Variants in PLEKHA2 observed in about 807,000 individuals in gnomAD.
The protein encoded by PLEKHA2 is pleckstrin homology domain-containing family A member 2.
A neutral mutation model predicts 53.2 loss-of-function variants in PLEKHA2; 28 were observed. The ratio of observed to expected loss-of-function variants is 0.53; its 90% CI spans 0.39 to 0.72. The LOEUF is 0.72. Among genes scored for constraint, PLEKHA2 ranks in the 30% least tolerant of loss-of-function variants. The pLI is 0.00. For missense variants in PLEKHA2, 426 were observed against 537.9 expected (o/e 0.79, Z 2.06); for synonymous variants, 193 against 196.4 (o/e 0.98, Z 0.14).
rs1444519246 is a variant in PLEKHA2 at position 38,968,656 on chromosome 8, A to G, written c.902A>G (p.Lys301Arg). 3 of 1,614,024 alleles carry G rather than the reference A, an allele frequency of 1.9e-6. No individual in the cohort carries two copies. Among genetic ancestry groups the G allele is most frequent in the Admixed American group, 3.3e-5 (2 of 60,022 alleles). Residue 301 changes from lysine (K) to arginine (R), a missense_variant, in exon 11 of 12, where the codon AAG (lysine) becomes AGG (arginine). Physicochemically the swap from Lys to Arg is conservative, Grantham distance 26. Transcript: ENST00000617275. The part of the protein sequence containing the change: ...KEIGAAVQAL[K>R]CHPRETSFSR... ...ATTGGCGCAGCTGTCCAGGCCCTCAAGTGCCACCCCAGAGTAAGTCACTTC... is the reference window on the plus strand; with the variant it reads ...ATTGGCGCAGCTGTCCAGGCCCTCAGGTGCCACCCCAGAGTAAGTCACTTC...
chr8:38,967,980 A>G (rs569562508), intron 10 of PLEKHA2, among the ~76,000 whole-genome samples: 58 of 152,008 alleles, frequency 3.8e-4, no homozygotes, highest in Admixed American at 5.9e-4. Context: ...TAATGGGATG[A>G]TTTATGGTTT....
At chr8:38,918,877 G>A (rs1018452762) in intron 2 of PLEKHA2, among the ~76,000 whole-genome samples, 1 of 152,180 alleles carries the variant, frequency 6.6e-6, no homozygotes, top group Non-Finnish European at 1.5e-5. Context: ...CCTGACCCTG[G>A]CATCTGGTGT....
intron 3 of PLEKHA2, 91 bp from the exon 4 acceptor site, chr8:38,943,698 G>A (rs1465649616): frequency 1.4e-5 from 13 of 957,844 alleles, no homozygotes; most frequent in South Asian, 1.7e-5. Flanking sequence ...TATGTTTAAT[G>A]TACTCTTTAT....
rs1394970204 is a variant in PLEKHA2, at chr8:38,953,314, C to T, written c.720C>T (p.Arg240=). 3.1e-6 allele frequency: 5 copies of T among 1,613,314 alleles called. No homozygotes were observed. The highest frequency in any genetic ancestry group is 3.4e-6 in the Non-Finnish European group (4 of 1,179,268). The change falls in exon 9 of 12, where the codon CGC becomes CGT. Residue 240 remains arginine, a synonymous_variant. Coordinates refer to ENST00000617275, the MANE Select transcript of PLEKHA2 (RefSeq NM_021623.2). ...FKCEQDREPL[R]TIFLKDVLKT... ...TCCACCAGGACCGAGAACCACTGCG[C>T]ACCATATTTCTTAAGGATGTTCTGA...
chr8:38,938,461 G>A (rs1834537421), intron 3 of PLEKHA2, among the ~76,000 whole-genome samples: 1 of 152,216 alleles, frequency 6.6e-6, no homozygotes, highest in Middle Eastern at 3.2e-3. Context: ...TGCTGCCACT[G>A]CTTCTGCCAG....
intron 2 of PLEKHA2, among the ~76,000 whole-genome samples, chr8:38,918,451 TACACCATACACACATGCACACACGAC>T (rs1834106001): frequency 2.0e-5 from 1 of 49,632 alleles, no homozygotes; most frequent in East Asian, 6.7e-4. Context: ...ACACAACCCA[TACACCATACACACATGCACACACGAC>T]ACACACCATA....
At chr8:38,939,452 G>A (rs1834558911) in intron 3 of PLEKHA2, among the ~76,000 whole-genome samples, 1 of 152,194 alleles carries the variant, frequency 6.6e-6, no homozygotes, top group South Asian at 2.1e-4. Context: ...TTAGGCATGA[G>A]GCCAATGATG....
chr8:38,918,626 C>T (rs1482535202), intron 2 of PLEKHA2, among the ~76,000 whole-genome samples: 14 of 35,028 alleles, frequency 4.0e-4, no homozygotes, highest in South Asian at 9.9e-4. Flanking sequence ...CATACACACA[C>T]ACCACACACA....
chr8:38,950,919 G>C lies in PLEKHA2; in HGVS notation c.415G>C (p.Glu139Gln). The change falls in exon 6 of 12, where the codon GAG (glutamate) becomes CAG (glutamine). Residue 139 changes from glutamate (E) to glutamine (Q), a missense_variant. Coordinates refer to ENST00000617275, the MANE Select transcript of PLEKHA2 (RefSeq NM_021623.2). ...LKSLAAPPAL[E>Q]KKPQVAYKTE... ...GAGCTTAGCAGCTCCTCCAGCCCTG[G>C]AGAAGAAGCCACAGGTGGCCTACAA... 6.2e-7 allele frequency: 1 copy of C among 1,614,018 alleles called. No homozygotes were observed. Among genetic ancestry groups the C allele is most frequent in the Non-Finnish European group, 8.5e-7 (1 of 1,179,892 alleles).
At chr8:38,937,656 A>G (rs1456897959) in intron 3 of PLEKHA2, among the ~76,000 whole-genome samples, 3 of 152,104 alleles carry the variant, frequency 2.0e-5, no homozygotes, top group Non-Finnish European at 2.9e-5. Context: ...CGAGAAAGGC[A>G]GGGCTGGATG....
intron 1 of PLEKHA2, among the ~76,000 whole-genome samples, chr8:38,909,641 G>A (rs1490367203): frequency 6.6e-6 from 1 of 152,154 alleles, no homozygotes; most frequent in Admixed American, 6.5e-5. Flanking sequence ...GGGCAGTAGA[G>A]AGATATTTGG....
chr8:38,948,762 T>TGACGTCCCGGC (rs1834765263), intron 5 of PLEKHA2, among the ~76,000 whole-genome samples: 1 of 152,214 alleles, frequency 6.6e-6, no homozygotes, highest in African/African-American at 2.4e-5. Context: ...GAAGTCCCGG[T>TGACGTCCCGGC]GACGTCCCGG....
Position 38,912,534 on chromosome 8 carries a change from C to T in PLEKHA2, c.-23-5373C>T, listed in dbSNP as rs149268436. On this transcript the variant is annotated intron_variant, in intron 1 of 11. Coordinates refer to ENST00000617275, the MANE Select transcript of PLEKHA2 (RefSeq NM_021623.2). The stretch of plus-strand genomic sequence containing the variant: ...ATAGTAGAAGCTAGGGATGAGCTGG[C>T]AAAGTTAACTTCCACACAGGCCTCT... Among the ~76,000 whole-genome samples, 349 of 152,190 alleles carry T rather than the reference C, an allele frequency of 2.3e-3. 1 individual carries two copies. The highest frequency in any genetic ancestry group is 8.2e-3 in the African/African-American group (341 of 41,522).
At chr8:38,944,308 A>T (rs1466922169) in intron 4 of PLEKHA2, among the ~76,000 whole-genome samples, 1 of 152,050 alleles carries the variant, frequency 6.6e-6, no homozygotes, top group Non-Finnish European at 1.5e-5. Context: ...TGAGATCAGG[A>T]GTTTGAGACC....
At chr8:38,952,507 C>A in intron 7 of PLEKHA2, 129 bp from the exon 8 acceptor site, 1 of 1,305,686 alleles carries the variant, frequency 7.7e-7, no homozygotes, top group African/African-American at 1.5e-5. Flanking sequence ...TATGAAGAAG[C>A]CCTTGCCCCT....
At chr8:38,961,517 A>G (rs1835042160) in intron 10 of PLEKHA2, among the ~76,000 whole-genome samples, 1 of 152,190 alleles carries the variant, frequency 6.6e-6, no homozygotes. Context: ...AGCCTGGAAG[A>G]CAGAGTGAGA....
intron 1 of PLEKHA2, among the ~76,000 whole-genome samples, chr8:38,905,916 C>G (rs546826740): frequency 6.6e-6 from 1 of 152,342 alleles, no homozygotes; most frequent in African/African-American, 2.4e-5. Flanking sequence ...CATCTCCTGA[C>G]CTCGTGATCC....
chr8:38,966,112 A>G (rs1459796942), intron 10 of PLEKHA2, among the ~76,000 whole-genome samples: 1 of 152,120 alleles, frequency 6.6e-6, no homozygotes, highest in African/African-American at 2.4e-5. Flanking sequence ...AGAGGTGTTC[A>G]CTTTGGCCAC....
At chr8:38,927,936 T>G (rs1834316989) in intron 2 of PLEKHA2, among the ~76,000 whole-genome samples, 1 of 149,682 alleles carries the variant, frequency 6.7e-6, no homozygotes, top group Non-Finnish European at 1.5e-5. Flanking sequence ...CCTGAGGTGG[T>G]GGGAATGGAG....
Sources: allele counts gnomAD v4.1 joint callset (sites outside exome capture counted in the v4.1 genomes callset), GRCh38; gene constraint gnomAD v4.1.1; transcripts MANE v1.5; gene names NCBI Gene and HGNC (gene_info 2026-07-23, HGNC 2026-07-21).